CNTNAP2: variants seen among roughly 807,000 people sequenced by gnomAD.
The protein encoded by CNTNAP2 is contactin-associated protein-like 2.
CNTNAP2 carries 98 observed loss-of-function variants against 155.2 expected under a neutral mutation model. The ratio of observed to expected loss-of-function variants is 0.63; its 90% confidence interval spans 0.54 to 0.75. The LOEUF (loss-of-function observed/expected upper bound fraction) is 0.75, where lower values mean the gene tolerates loss of function less well. CNTNAP2 is among the 30% of genes least tolerant of loss of function. The pLI, the probability that CNTNAP2 is intolerant of heterozygous loss-of-function variation, is 0.00. For synonymous variants in CNTNAP2, 651 were observed against 631.2 expected, an observed-to-expected ratio of 1.03 and a Z score of -0.47; for missense variants, 1,727 against 1,688.1, an observed-to-expected ratio of 1.02 and a Z score of -0.40.
rs576780774 is a variant in CNTNAP2, at chr7:148,229,261, C to T, written c.3248-385C>T. 7.2e-5 allele frequency among the ~76,000 whole-genome samples: 11 copies of T among 152,284 alleles called. 1 individual carries two copies. The South Asian group carries it at 2.1e-3, about 29-fold the overall frequency. ...GAAATTGGATGGGCATGGTGGCTCA[C>T]GCCTGTAATCCCAGCACTTTGGGAG... On this transcript the variant is annotated intron_variant, in intron 19 of 23. Transcript: ENST00000361727.
intron 1 of CNTNAP2, among the ~76,000 whole-genome samples, chr7:146,413,379 A>C (rs1371095151): frequency 1.3e-5 from 2 of 152,196 alleles, no homozygotes; most frequent in Non-Finnish European, 2.9e-5. Context: ...GATCCCAAAA[A>C]GGAAATACAG....
At chr7:146,736,990 G>T (rs972248771) in intron 1 of CNTNAP2, among the ~76,000 whole-genome samples, 1 of 152,002 alleles carries the variant, frequency 6.6e-6, no homozygotes, top group Non-Finnish European at 1.5e-5. Flanking sequence ...GCTTTTAGCC[G>T]TAAGTTTACT....
intron 8 of CNTNAP2, among the ~76,000 whole-genome samples, chr7:147,234,704 C>A (rs747464526): frequency 6.6e-6 from 1 of 152,166 alleles, no homozygotes; most frequent in Admixed American, 6.5e-5. Flanking sequence ...TTCATTGATC[C>A]TTAATTTCCC....
At chr7:146,278,566 G>A (rs1290834343) in intron 1 of CNTNAP2, among the ~76,000 whole-genome samples, 3 of 152,168 alleles carry the variant, frequency 2.0e-5, no homozygotes, top group Non-Finnish European at 2.9e-5. Context: ...TAAATGATGT[G>A]TCTAGTCTGT....
intron 3 of CNTNAP2, among the ~76,000 whole-genome samples, chr7:146,940,534 G>C (rs1797030942): frequency 6.6e-6 from 1 of 151,936 alleles, no homozygotes; most frequent in Non-Finnish European, 1.5e-5. Flanking sequence ...AGTGTGGAAG[G>C]TCTTAATAAA....
At chr7:147,495,993 C>G (rs568095831) in intron 11 of CNTNAP2, among the ~76,000 whole-genome samples, 1 of 152,030 alleles carries the variant, frequency 6.6e-6, no homozygotes, top group Admixed American at 6.6e-5. Context: ...ACTGTGCATG[C>G]GAGGGATGTA....
intron 21 of CNTNAP2, among the ~76,000 whole-genome samples, chr7:148,330,858 GGA>G (rs1797984388): frequency 6.7e-6 from 1 of 149,736 alleles, no homozygotes; most frequent in African/African-American, 2.5e-5. Flanking sequence ...TGGATGGAAT[GGA>G]TGGACGGATG....
intron 14 of CNTNAP2, among the ~76,000 whole-genome samples, chr7:147,946,225 C>G (rs949155042): frequency 2.2e-4 from 33 of 152,172 alleles, no homozygotes; most frequent in African/African-American, 7.7e-4. Flanking sequence ...TAGCTCCTAG[C>G]ATGACTTCAG....
intron 1 of CNTNAP2, among the ~76,000 whole-genome samples, chr7:146,322,008 GT>G (rs1240561170): frequency 1.3e-5 from 2 of 152,024 alleles, no homozygotes; most frequent in East Asian, 1.9e-4. Context: ...TAATTTTATT[GT>G]TTTAGTACAG....
intron 13 of CNTNAP2, among the ~76,000 whole-genome samples, chr7:147,711,694 T>A (rs1223637799): frequency 1.3e-5 from 2 of 152,154 alleles, no homozygotes; most frequent in Non-Finnish European, 2.9e-5. Flanking sequence ...CAGCTGTGCT[T>A]CCCTCTTGCT....
At chr7:147,742,535 CT>C (rs1270825514) in intron 13 of CNTNAP2, among the ~76,000 whole-genome samples, 1 of 152,198 alleles carries the variant, frequency 6.6e-6, no homozygotes, top group Non-Finnish European at 1.5e-5. Flanking sequence ...GAAGGCATAT[CT>C]TTCTTTCCTT....
At chr7:147,083,828 A>G (rs1199454454) in intron 4 of CNTNAP2, among the ~76,000 whole-genome samples, 1 of 141,784 alleles carries the variant, frequency 7.1e-6, no homozygotes, top group Admixed American at 7.3e-5. Context: ...ATATACATAT[A>G]CACATGTATG....
chr7:148,326,618 G>A (rs1003505934), intron 21 of CNTNAP2, among the ~76,000 whole-genome samples: 1 of 152,140 alleles, frequency 6.6e-6, no homozygotes, highest in Non-Finnish European at 1.5e-5. Flanking sequence ...TGTAATCCCA[G>A]CACTTTCGGA....
chr7:146,411,814 T>TTTATTTATTTA (rs370214179), intron 1 of CNTNAP2, among the ~76,000 whole-genome samples: 124 of 117,076 alleles, frequency 1.1e-3, no homozygotes, highest in African/African-American at 6.5e-3. Flanking sequence ...TTTTATTTTA[T>TTTATTTATTTA]TTTATTTATT....
intron 20 of CNTNAP2, among the ~76,000 whole-genome samples, chr7:148,262,551 G>A (rs1796582117): frequency 6.6e-6 from 1 of 152,036 alleles, no homozygotes; most frequent in Non-Finnish European, 1.5e-5. Context: ...AGTCTCCTGC[G>A]TTCCTTGGGC....
Position 148,169,826 on chromosome 7 carries a change from G to A in CNTNAP2, c.2774-2416G>A, listed in dbSNP as rs1278905137. Among the ~76,000 whole-genome samples, 15 of 152,292 alleles carry A rather than the reference G, an allele frequency of 9.8e-5. No individual in the cohort carries two copies. The South Asian group carries it at 2.5e-3, about 25-fold the overall frequency. ...AATACAAAAATTAGCTGGGTGTGGTGGCGTGTGCCTGTAGTCCCAGCTACT... is the reference window on the plus strand; with the variant it reads ...AATACAAAAATTAGCTGGGTGTGGTAGCGTGTGCCTGTAGTCCCAGCTACT... On this transcript the variant is annotated intron_variant, in intron 17 of 23. Coordinates refer to ENST00000361727, the MANE Select transcript of CNTNAP2 (RefSeq NM_014141.6).
At chr7:147,694,533 C>A (rs1019780478) in intron 13 of CNTNAP2, among the ~76,000 whole-genome samples, 1 of 151,984 alleles carries the variant, frequency 6.6e-6, no homozygotes, top group African/African-American at 2.4e-5. Flanking sequence ...TAGATACAGG[C>A]CTATTCAGAT....
chr7:146,772,947 G>T (rs1585083451), intron 1 of CNTNAP2, among the ~76,000 whole-genome samples: 2 of 152,120 alleles, frequency 1.3e-5, no homozygotes, highest in South Asian at 4.1e-4. Context: ...AGGGGAAGCA[G>T]GGAGACCACA....
At chr7:146,330,302 G>T (rs954874629) in intron 1 of CNTNAP2, among the ~76,000 whole-genome samples, 2 of 152,078 alleles carry the variant, frequency 1.3e-5, no homozygotes, top group Admixed American at 1.3e-4. Context: ...GATTACAGGC[G>T]TGAGCCACTG....
Sources: gnomAD v4.1 joint callset for allele counts (sites outside exome capture counted in the v4.1 genomes callset) on GRCh38, gnomAD v4.1.1 for gene constraint, MANE v1.5 for transcripts, NCBI Gene and HGNC (gene_info 2026-07-23, HGNC 2026-07-21) for gene names.